The following PTCH1 variants were observed in gnomAD, a reference collection of about 807,000 sequenced individuals.
The protein encoded by PTCH1 is protein patched homolog 1.
A neutral mutation model predicts 144.6 loss-of-function variants in PTCH1; 14 were observed. The observed-to-expected ratio is 0.10, with a 90% CI of 0.06 to 0.15. The LOEUF (loss-of-function observed/expected upper bound fraction) is 0.15, where lower values mean the gene tolerates loss of function less well. Among genes scored for constraint, PTCH1 ranks in the 10% least tolerant of loss-of-function variants. PTCH1 has a pLI of 1.00. For missense variants in PTCH1, 1,623 were observed against 1,948.3 expected, an observed-to-expected ratio of 0.83 and a Z score of 3.14; for synonymous variants, 833 against 793.6, an observed-to-expected ratio of 1.05 and a Z score of -0.83.
At chr9:95,487,902 G>A (rs530031727) in intron 2 of PTCH1, among the ~76,000 whole-genome samples, 1 of 152,204 alleles carries the variant, frequency 6.6e-6, no homozygotes, top group Non-Finnish European at 1.5e-5. Flanking sequence ...TGGTGACCTA[G>A]GTGCCGTTAT....
Position 95,449,131 on chromosome 9 carries a change from C to G in PTCH1, c.3742G>C (p.Gly1248Arg). ...ACGATCACTTGGTGGGCAGGGCCTCCCGCGCCCTGCTGGGCCTCGTAGTGC... is the reference window on the plus strand; with the variant it reads ...ACGATCACTTGGTGGGCAGGGCCTCGCGCGCCCTGCTGGGCCTCGTAGTGC... The part of the protein sequence containing the change: ...LRHYEAQQGA[G>R]GPAHQVIVEA... Residue 1248 changes from glycine to arginine, a missense_variant, in exon 22 of 24, where the codon GGA becomes CGA. By Grantham distance (125) the Gly-to-Arg change is moderately radical. Around this residue, in one of 7 missense-constraint regions of PTCH1, gnomAD observed 291 missense variants for 287.4 expected, o/e 1.01. Coordinates refer to ENST00000331920, the MANE Select transcript of PTCH1 (RefSeq NM_000264.5). The surrounding 1 kb of genome is among the most constrained non-coding windows in gnomAD (Gnocchi z 5.3). 6.2e-7 allele frequency: 1 copy of G among 1,614,154 alleles called. No homozygotes were observed. Among genetic ancestry groups the G allele is most frequent in the Non-Finnish European group, 8.5e-7 (1 of 1,180,026 alleles).
intron 18 of PTCH1, among the ~76,000 whole-genome samples, chr9:95,456,734 C>T (rs116075457): frequency 1.9e-3 from 284 of 152,264 alleles, no homozygotes; most frequent in African/African-American, 6.4e-3. Context: ...ATTGCACAAG[C>T]ATGGCCGCAT....
intron 22 of PTCH1, 114 bp downstream of exon 22, chr9:95,448,955 G>T: frequency 7.0e-7 from 1 of 1,435,638 alleles, no homozygotes. Flanking sequence ...CCTTATCTCT[G>T]CATCCCATCT....
At chr9:95,489,273 A>G (rs1842207039) in intron 2 of PTCH1, among the ~76,000 whole-genome samples, 1 of 152,182 alleles carries the variant, frequency 6.6e-6, no homozygotes, top group South Asian at 2.1e-4. Context: ...TGAAGCTTTG[A>G]GCTCAGGAAG....
chr9:95,471,426 C>G (rs1588583314), intron 12 of PTCH1, among the ~76,000 whole-genome samples: 1 of 152,362 alleles, frequency 6.6e-6, no homozygotes, highest in South Asian at 2.1e-4. Context: ...TGTTAGCTTA[C>G]CACTCTAATG....
intron 3 of PTCH1, chr9:95,483,985 A>G (rs544872806): frequency 6.6e-6 from 1 of 152,292 alleles, no homozygotes; most frequent in African/African-American, 2.4e-5. Flanking sequence ...CAAATGCTCT[A>G]ATTAGTCTAA....
intron 3 of PTCH1, among the ~76,000 whole-genome samples, chr9:95,484,740 A>T (rs181135358): frequency 1.2e-4 from 18 of 152,174 alleles, no homozygotes; most frequent in Admixed American, 1.0e-3. Flanking sequence ...CTGAATGCCC[A>T]CTCTGTTCTC....
At chr9:95,507,515 C>CT (rs1843780646) in intron 1 of PTCH1, 1 of 901,206 alleles carries the variant, frequency 1.1e-6, no homozygotes, top group Non-Finnish European at 1.3e-6. Flanking sequence ...TTGTTTACAA[C>CT]TTTTCCTCCC....
rs2118424585 is a variant in PTCH1, at chr9:95,480,535, T to A, written c.800A>T (p.Glu267Val). The A allele has an allele frequency of 6.2e-7, 1 of 1,613,572 alleles. No individual in the cohort carries two copies. Residue 267 changes from glutamate (E) to valine (V), a missense_variant, in exon 6 of 24, where the codon GAG (glutamate) becomes GTG (valine). Around this residue, in one of 7 missense-constraint regions of PTCH1, gnomAD observed 230 missense variants for 271.0 expected, o/e 0.85. Transcript: ENST00000331920. ...CACTTGATAGTTTATTTTCTTTAAC[T>A]CTTCCAGGAATTCCAAAGGGTCGAA... is the stretch of plus-strand genomic sequence containing the variant. ...TNFDPLEFLE[E>V]LKKINYQVDS...
chr9:95,494,134 T>C (rs1407538891), intron 2 of PTCH1: 3 of 901,524 alleles, frequency 3.3e-6, no homozygotes, highest in East Asian at 1.2e-4. Context: ...GCGCAGGCGC[T>C]CGCGCGGGGT....
chr9:95,465,734 G>A (rs1344395153), intron 15 of PTCH1, among the ~76,000 whole-genome samples: 4 of 152,182 alleles, frequency 2.6e-5, no homozygotes, highest in Admixed American at 2.6e-4. Flanking sequence ...ACTTACATCT[G>A]TGTTTAAACA....
At chr9:95,485,917 G>C (rs763836919) in intron 2 of PTCH1, 43 bp from the exon 3 acceptor site, 1 of 1,603,056 alleles carries the variant, frequency 6.2e-7, no homozygotes, top group Non-Finnish European at 8.5e-7. Context: ...CAAAATCACT[G>C]CAAACTCATG....
chr9:95,506,211 CGAGTA>C, intron 2 of PTCH1, 191 bp downstream of exon 2: 1 of 615,390 alleles, frequency 1.6e-6, no homozygotes, highest in Non-Finnish European at 2.7e-6. Context: ...CGCAGCGCCC[CGAGTA>C]GATTACAGCG....
At chr9:95,470,204 A>G (rs951606405) in intron 12 of PTCH1, among the ~76,000 whole-genome samples, 11 of 152,220 alleles carry the variant, frequency 7.2e-5, no homozygotes, top group African/African-American at 2.7e-4. Context: ...ACGTGTTGCT[A>G]GTAACCTAAC....
intron 1 of PTCH1, chr9:95,507,192 G>A (rs1843746914): frequency 1.0e-6 from 1 of 985,604 alleles, no homozygotes; most frequent in African/African-American, 1.7e-5. Context: ...GGCTGTGTGA[G>A]CTGAATTAGG....
upstream of PTCH1, among the ~76,000 whole-genome samples, chr9:95,513,088 C>T (rs1401449869): frequency 6.6e-6 from 1 of 152,212 alleles, no homozygotes; most frequent in East Asian, 1.9e-4. Flanking sequence ...ACACCACACA[C>T]ATTTCAAAAA....
At chr9:95,475,402 G>A (rs1247925533) in intron 12 of PTCH1, among the ~76,000 whole-genome samples, 1 of 152,146 alleles carries the variant, frequency 6.6e-6, no homozygotes, top group Non-Finnish European at 1.5e-5. Context: ...GAGGGGAGCA[G>A]GGGACCAAAA....
Position 95,476,234 on chromosome 9 carries a change from T to C in PTCH1, c.1603-75A>G. On this transcript the variant is annotated intron_variant, in intron 11 of 23. Coordinates refer to ENST00000331920, the MANE Select transcript of PTCH1 (RefSeq NM_000264.5). The surrounding 1 kb of genome is among the most constrained non-coding windows in gnomAD (Gnocchi z 4.6). ...TTGGAGCACAGACTGTGTGAGCAGATACGTGGCAGAATAACACAACTGTTA... is the reference window on the plus strand; with the variant it reads ...TTGGAGCACAGACTGTGTGAGCAGACACGTGGCAGAATAACACAACTGTTA... 2.6e-6 allele frequency: 4 copies of C among 1,558,174 alleles called. No homozygotes were observed. Among genetic ancestry groups the C allele is most frequent in the Non-Finnish European group, 3.5e-6 (4 of 1,154,052 alleles).
In PTCH1 at chr9:95,477,671, C is replaced by T. The variant is rs1131690974; in HGVS notation, c.1379G>A (p.Trp460Ter). The T allele has an allele frequency of 6.2e-7, 1 of 1,614,206 alleles. No individual in the cohort carries two copies. The highest frequency in any genetic ancestry group is 8.5e-7 in the Non-Finnish European group (1 of 1,180,036). ...LAYACLTMLR[W>*]DCSKSQGAVG... ...GGCACCCTGGGACTTGGAGCAGTCCCAGCGCAGCATGGTTAGACAGGCATA... is the reference window on the plus strand; with the variant it reads ...GGCACCCTGGGACTTGGAGCAGTCCTAGCGCAGCATGGTTAGACAGGCATA... Residue 460 changes from tryptophan to a stop codon, truncating the protein, a stop_gained, in exon 10 of 24, where the codon TGG becomes TAG. Transcript: ENST00000331920. LOFTEE classifies it high-confidence loss of function.
Sources: allele counts gnomAD v4.1 joint callset (sites outside exome capture counted in the v4.1 genomes callset), GRCh38; gene constraint gnomAD v4.1.1; regional missense constraint gnomAD v4.1.1; non-coding constraint Gnocchi (gnomAD v3.1); transcripts MANE v1.5; gene names NCBI Gene and HGNC (gene_info 2026-07-23, HGNC 2026-07-21).